LANCL1: variants seen among roughly 807,000 people sequenced by gnomAD.
LANCL1 encodes LanC like glutathione S-transferase 1.
LANCL1 carries 50 observed loss-of-function variants against 50.6 expected under a neutral mutation model. The observed-to-expected ratio is 0.99, with a 90% confidence interval of 0.79 to 1.25. LANCL1 has a LOEUF of 1.25. Among genes scored for constraint, LANCL1 ranks in the 50% most tolerant of loss-of-function variants. The pLI, the probability that LANCL1 is intolerant of heterozygous loss-of-function variation, is 0.00. For synonymous variants in LANCL1, 188 were observed against 178.6 expected, an observed-to-expected ratio of 1.05 and a Z score of -0.42; for missense variants, 532 against 480.7, an observed-to-expected ratio of 1.11 and a Z score of -1.00.
chr2:210,457,860 T>C (rs1693716332), intron 3 of LANCL1, among the ~76,000 whole-genome samples: 1 of 152,182 alleles, frequency 6.6e-6, no homozygotes, highest in African/African-American at 2.4e-5. Context: ...GTTTTCCAAA[T>C]GTATCTTGCC....
intron 3 of LANCL1, among the ~76,000 whole-genome samples, chr2:210,466,887 T>C (rs916399137): frequency 1.3e-5 from 2 of 152,004 alleles, no homozygotes; most frequent in African/African-American, 4.8e-5. Context: ...GTTCAGATAG[T>C]GTGCATGACT....
chr2:210,470,853 A>G (rs968811459), intron 3 of LANCL1, among the ~76,000 whole-genome samples: 2 of 152,096 alleles, frequency 1.3e-5, no homozygotes, highest in South Asian at 2.1e-4. Flanking sequence ...GGCCATTTTT[A>G]TGACAAATTC....
intron 3 of LANCL1, chr2:210,460,409 T>C (rs1693815981): frequency 6.6e-6 from 1 of 152,198 alleles, no homozygotes; most frequent in Admixed American, 6.5e-5. Context: ...CAATCTAAGT[T>C]CAAATACATT....
In LANCL1 at chr2:210,454,013, T is replaced by C. The variant is rs571357681; in HGVS notation, c.407+1094A>G. 3.9e-5 allele frequency among the ~76,000 whole-genome samples: 6 copies of C among 152,248 alleles called. No homozygotes were observed. The South Asian group carries it at 1.2e-3, about 32-fold the overall frequency. ...TGTAATGTCTAGCCCCTAAGAAATGTAGCATAGGCATGTATTTAAAAAAAG... is the reference window on the plus strand; with the variant it reads ...TGTAATGTCTAGCCCCTAAGAAATGCAGCATAGGCATGTATTTAAAAAAAG... On this transcript the variant is annotated intron_variant, in intron 4 of 9. Transcript: ENST00000450366.
At chr2:210,441,010 A>G (rs1693112725) in intron 5 of LANCL1, among the ~76,000 whole-genome samples, 1 of 152,206 alleles carries the variant, frequency 6.6e-6, no homozygotes, top group East Asian at 1.9e-4. Flanking sequence ...AAACTCCTCT[A>G]GGCACCACCA....
intron 3 of LANCL1, among the ~76,000 whole-genome samples, chr2:210,464,972 C>G (rs1048256237): frequency 4.7e-4 from 15 of 31,874 alleles, no homozygotes; most frequent in Non-Finnish European, 7.3e-4. Flanking sequence ...GACTCCGTCT[C>G]AAAAAAAAAA....
At chr2:210,475,211 C>G (rs1480727386) in intron 2 of LANCL1, among the ~76,000 whole-genome samples, 1 of 152,162 alleles carries the variant, frequency 6.6e-6, no homozygotes, top group Non-Finnish European at 1.5e-5. Context: ...GGGATGAAAT[C>G]TGTAAGGCCT....
At chr2:210,462,138 T>A (rs948898651) in intron 3 of LANCL1, among the ~76,000 whole-genome samples, 1 of 152,196 alleles carries the variant, frequency 6.6e-6, no homozygotes, top group African/African-American at 2.4e-5. Context: ...GAGACCCCAG[T>A]GATCTCTGGA....
chr2:210,436,182 G>A (rs1006170489), intron 8 of LANCL1, 34 bp downstream of exon 8: 17 of 1,593,430 alleles, frequency 1.1e-5, no homozygotes, highest in South Asian at 2.2e-5. Context: ...GTGAGCCACC[G>A]AGCTGCTTTC....
At chr2:210,454,819 G>A (rs1042092324) in intron 4 of LANCL1, among the ~76,000 whole-genome samples, 6 of 152,142 alleles carry the variant, frequency 3.9e-5, no homozygotes, top group African/African-American at 1.2e-4. Context: ...ACAGATCTTG[G>A]ATAGCACTTT....
At chr2:210,436,543 G>A in intron 7 of LANCL1, 151 bp from the exon 8 acceptor site, 1 of 736,352 alleles carries the variant, frequency 1.4e-6, no homozygotes, top group Non-Finnish European at 2.2e-6. Context: ...TGTTGCTAGT[G>A]ACAATTACTA....
At chr2:210,458,281 T>C (rs1475949100) in intron 3 of LANCL1, among the ~76,000 whole-genome samples, 1 of 152,210 alleles carries the variant, frequency 6.6e-6, no homozygotes, top group Non-Finnish European at 1.5e-5. Context: ...TATTGCCATG[T>C]CCTGGTAGGC....
chr2:210,462,364 C>G (rs940757090), intron 3 of LANCL1, among the ~76,000 whole-genome samples: 1 of 152,206 alleles, frequency 6.6e-6, no homozygotes, highest in Non-Finnish European at 1.5e-5. Flanking sequence ...TAAAAATGAA[C>G]AACTCAATGC....
intron 2 of LANCL1, among the ~76,000 whole-genome samples, chr2:210,474,102 A>G (rs1045093140): frequency 2.6e-5 from 4 of 152,246 alleles, no homozygotes; most frequent in Admixed American, 2.6e-4. Flanking sequence ...GACCTCTGTG[A>G]GAATATTGAT....
Position 210,440,750 on chromosome 2 carries a change from G to A in LANCL1, c.544-6C>T, listed in dbSNP as rs765350994. The A allele has an allele frequency of 3.1e-6, 5 of 1,607,364 alleles. No individual in the cohort carries two copies. Among genetic ancestry groups the A allele is most frequent in the Non-Finnish European group, 2.5e-6 (3 of 1,177,900 alleles). Reference sequence around the variant, plus strand: ...GTTAAAATTGTTTCACAAATCTACAGGGAGAAAACCAACCAAAATAACAAG... The same window carrying A: ...GTTAAAATTGTTTCACAAATCTACAAGGAGAAAACCAACCAAAATAACAAG... On this transcript the variant is annotated splice_region_variant and splice_polypyrimidine_tract_variant and intron_variant, in intron 5 of 9. Transcript: ENST00000450366.
intron 3 of LANCL1, among the ~76,000 whole-genome samples, chr2:210,469,689 C>G (rs1694167219): frequency 6.6e-6 from 1 of 152,134 alleles, no homozygotes; most frequent in Non-Finnish European, 1.5e-5. Context: ...GCCAGAAACC[C>G]TGTACAGCCA....
intron 3 of LANCL1, among the ~76,000 whole-genome samples, chr2:210,461,881 C>T (rs1479552286): frequency 1.3e-5 from 2 of 151,992 alleles, no homozygotes; most frequent in Non-Finnish European, 2.9e-5. Context: ...ATCAGCCATC[C>T]CTTGGGTTTA....
At chr2:210,466,846 G>GAA (rs1232408629) in intron 3 of LANCL1, among the ~76,000 whole-genome samples, 1 of 152,152 alleles carries the variant, frequency 6.6e-6, no homozygotes, top group Non-Finnish European at 1.5e-5. Flanking sequence ...CATCAAGGCT[G>GAA]AAACAATAAA....
At chr2:210,457,864 T>C (rs1355191979) in intron 3 of LANCL1, among the ~76,000 whole-genome samples, 2 of 152,202 alleles carry the variant, frequency 1.3e-5, no homozygotes, top group Non-Finnish European at 2.9e-5. Context: ...TCCAAATGTA[T>C]CTTGCCTTTC....
Sources: allele counts gnomAD v4.1 joint callset (sites outside exome capture counted in the v4.1 genomes callset), GRCh38; gene constraint gnomAD v4.1.1; transcripts MANE v1.5; gene names NCBI Gene and HGNC (gene_info 2026-07-23, HGNC 2026-07-21).